The following GRM5 variants were observed in gnomAD, a reference collection of about 807,000 sequenced individuals.
GRM5 encodes the protein glutamate metabotropic receptor 5.
GRM5 carries 19 observed loss-of-function variants against 83.1 expected under a neutral mutation model. That is an observed-to-expected ratio of 0.23 (90% confidence interval 0.16 to 0.34). GRM5 has a LOEUF of 0.34. Among genes scored for constraint, GRM5 ranks in the 10% least tolerant of loss-of-function variants. GRM5 has a pLI of 1.00. For synonymous variants in GRM5, 675 were observed against 633.6 expected (o/e 1.07, Z -0.98); for missense variants, 1,160 against 1,588.3 (o/e 0.73, Z 4.58).
At chr11:88,832,106 A>G (rs1050373648) in intron 3 of GRM5, among the ~76,000 whole-genome samples, 3 of 152,200 alleles carry the variant, frequency 2.0e-5, no homozygotes, top group Admixed American at 1.3e-4. Flanking sequence ...GACACTGCCT[A>G]TACCCAAAGA....
At chr11:88,534,800 A>G (rs898501131) in intron 8 of GRM5, among the ~76,000 whole-genome samples, 5 of 152,198 alleles carry the variant, frequency 3.3e-5, no homozygotes, top group African/African-American at 1.2e-4. Context: ...TTGTACTCCC[A>G]TGATTCCCAT....
chr11:88,795,829 G>A (rs1292225140), intron 3 of GRM5, among the ~76,000 whole-genome samples: 1 of 152,150 alleles, frequency 6.6e-6, no homozygotes, highest in Non-Finnish European at 1.5e-5. Flanking sequence ...CTTAGCCTGA[G>A]AAAACAACGA....
At chr11:88,946,289 T>C (rs1437200165) in intron 2 of GRM5, among the ~76,000 whole-genome samples, 2 of 152,228 alleles carry the variant, frequency 1.3e-5, no homozygotes, top group Admixed American at 6.6e-5. Context: ...TCGGTGAGAA[T>C]GGAAATTAGT....
intron 2 of GRM5, among the ~76,000 whole-genome samples, chr11:88,887,855 T>C (rs1276301058): frequency 6.6e-6 from 1 of 152,128 alleles, no homozygotes; most frequent in Non-Finnish European, 1.5e-5. Context: ...TACTAGATCC[T>C]TGCAAGCACT....
intron 3 of GRM5, among the ~76,000 whole-genome samples, chr11:88,847,614 A>G (rs989006249): frequency 2.6e-5 from 4 of 152,182 alleles, no homozygotes; most frequent in African/African-American, 9.7e-5. Flanking sequence ...ATGGGCCAAG[A>G]GGCAGAAACT....
intron 2 of GRM5, among the ~76,000 whole-genome samples, chr11:88,988,091 CA>C (rs1939800495): frequency 6.7e-6 from 1 of 148,488 alleles, no homozygotes; most frequent in Non-Finnish European, 1.5e-5. Context: ...AAACCAAAGG[CA>C]AAGAAGTTGA....
chr11:88,986,133 T>A (rs564938985), intron 2 of GRM5, among the ~76,000 whole-genome samples: 2 of 152,306 alleles, frequency 1.3e-5, no homozygotes, highest in South Asian at 2.1e-4. Flanking sequence ...ATGACCATGG[T>A]ACATCCATCT....
intron 2 of GRM5, among the ~76,000 whole-genome samples, chr11:89,030,872 G>A (rs1319299782): frequency 3.9e-5 from 6 of 151,988 alleles, no homozygotes; most frequent in Non-Finnish European, 7.4e-5. Flanking sequence ...CTAGTCCATG[G>A]TGGAAGTAAA....
At chr11:88,646,683 G>C (rs1002738128) in intron 4 of GRM5, among the ~76,000 whole-genome samples, 5 of 151,814 alleles carry the variant, frequency 3.3e-5, no homozygotes, top group African/African-American at 1.2e-4. Context: ...AAAGGTGAAA[G>C]AAATGGGAAA....
intron 4 of GRM5, among the ~76,000 whole-genome samples, chr11:88,619,856 T>A (rs1190160449): frequency 6.6e-6 from 1 of 152,168 alleles, no homozygotes; most frequent in Non-Finnish European, 1.5e-5. Flanking sequence ...AGTATTTTCT[T>A]GGAAGATGAT....
chr11:88,651,530 C>T (rs1016895971), intron 4 of GRM5, among the ~76,000 whole-genome samples: 2 of 152,010 alleles, frequency 1.3e-5, no homozygotes, highest in African/African-American at 4.8e-5. Flanking sequence ...CTGTTGTCTT[C>T]AGAAACTAGA....
At chr11:88,570,316 G>C (rs1591356051) in intron 7 of GRM5, among the ~76,000 whole-genome samples, 1 of 151,674 alleles carries the variant, frequency 6.6e-6, no homozygotes, top group South Asian at 2.1e-4. Context: ...GGATAGCTCA[G>C]ACTAAATATA....
intron 5 of GRM5, 112 bp from the exon 6 acceptor site, chr11:88,597,464 G>T: frequency 1.7e-6 from 1 of 595,082 alleles, no homozygotes; most frequent in South Asian, 2.4e-5. Context: ...AGTAGCACTG[G>T]AATTTTCCAT....
rs1945471294 is a variant in GRM5 at position 88,910,095 on chromosome 11, T to C, written c.662-59940A>G. ...CCCCAGTTCCCACTTCCCCAGTCCC[T>C]GGTAGTCTTTACTCTACTTTCTACC... On this transcript the variant is annotated intron_variant, in intron 2 of 9. Coordinates refer to ENST00000305447, the MANE Select transcript of GRM5 (RefSeq NM_001143831.3). 2.6e-5 allele frequency among the ~76,000 whole-genome samples: 4 copies of C among 152,092 alleles called. No homozygotes were observed. In the South Asian group the frequency reaches 8.3e-4, roughly 31 times the overall value.
At chr11:88,590,537 C>G in intron 7 of GRM5, 64 bp downstream of exon 7, 3 of 1,344,796 alleles carry the variant, frequency 2.2e-6, no homozygotes, top group Non-Finnish European at 3.2e-6. Context: ...GGATGTGACC[C>G]CCCTCTCCCA....
At chr11:88,892,312 TAC>T (rs1016449846) in intron 2 of GRM5, among the ~76,000 whole-genome samples, 2 of 152,040 alleles carry the variant, frequency 1.3e-5, no homozygotes, top group African/African-American at 2.4e-5. Flanking sequence ...ATACCTTGTC[TAC>T]ACAGTCCCTG....
At chr11:88,583,371 A>G (rs960194376) in intron 7 of GRM5, among the ~76,000 whole-genome samples, 2 of 152,224 alleles carry the variant, frequency 1.3e-5, no homozygotes, top group African/African-American at 4.8e-5. Flanking sequence ...AACCAAAGGA[A>G]CTTCCTAGAG....
At chr11:88,531,505 C>A (rs1321735263) in intron 8 of GRM5, among the ~76,000 whole-genome samples, 1 of 152,056 alleles carries the variant, frequency 6.6e-6, no homozygotes, top group African/African-American at 2.4e-5. Flanking sequence ...TCTCTGATAC[C>A]AAGGAGCAAA....
rs1416859174 is a variant in GRM5 at position 88,752,914 on chromosome 11, T to C, written c.911+96992A>G. 2.6e-5 allele frequency among the ~76,000 whole-genome samples: 4 copies of C among 152,000 alleles called. 1 individual carries two copies. The highest frequency in any genetic ancestry group is 1.3e-4 in the Admixed American group (2 of 15,240). ...GAACAGGTTAGCTATATCCAGAAAA[T>C]TGAAACTGGACCCCTTCCTTACACC... is the stretch of plus-strand genomic sequence containing the variant. On this transcript the variant is annotated intron_variant, in intron 3 of 9. Coordinates refer to ENST00000305447, the MANE Select transcript of GRM5 (RefSeq NM_001143831.3).
Sources: gnomAD v4.1 joint callset for allele counts (sites outside exome capture counted in the v4.1 genomes callset) on GRCh38, gnomAD v4.1.1 for gene constraint, MANE v1.5 for transcripts, NCBI Gene and HGNC (gene_info 2026-07-23, HGNC 2026-07-21) for gene names.